The following MYL2 variants were observed in gnomAD, a reference collection of about 807,000 sequenced individuals.
MYL2 encodes myosin regulatory light chain 2, ventricular/cardiac muscle isoform.
Under a neutral mutation model 23.0 loss-of-function variants are expected in MYL2, and 19 were observed. The observed-to-expected ratio is 0.83, with a 90% CI of 0.58 to 1.21. MYL2 has a LOEUF of 1.21. Ranked by LOEUF, MYL2 falls within the 50% of genes most tolerant of loss-of-function variation. MYL2 has a pLI of 0.00. For synonymous variants in MYL2, 78 were observed against 76.2 expected (o/e 1.02, Z -0.13); for missense variants, 180 against 215.1 (o/e 0.84, Z 1.02).
chr12:110,920,898 GCT>G (rs1169607963), upstream of MYL2, among the ~76,000 whole-genome samples: 3 of 152,236 alleles, frequency 2.0e-5, no homozygotes, highest in Admixed American at 6.5e-5. Context: ...CTGCTAAAAT[GCT>G]CTGTTTTATC....
chr12:110,920,840 A>T (rs2071719830), upstream of MYL2: 1 of 523,616 alleles, frequency 1.9e-6, no homozygotes, highest in African/African-American at 1.9e-5. Flanking sequence ...TGGGCCGGGG[A>T]CACTTGTGCT....
intron 4 of MYL2, among the ~76,000 whole-genome samples, 159 bp downstream of exon 4, chr12:110,914,027 G>A (rs531874692): frequency 8.0e-4 from 122 of 152,214 alleles, no homozygotes; most frequent in Middle Eastern, 3.4e-3. Context: ...AAAGTGCTGG[G>A]GATTACAGGC....
At position 110,911,176 on chromosome 12, in the gene MYL2, C is replaced by A. The variant is rs199474813; in HGVS notation, c.403-1G>T. 1 of 1,606,260 alleles carries A rather than the reference C, an allele frequency of 6.2e-7. No individual in the cohort carries two copies. Among genetic ancestry groups the A allele is most frequent in the Non-Finnish European group, 8.5e-7 (1 of 1,176,292 alleles). On this transcript the variant is annotated splice_acceptor_variant, in intron 6 of 6. Coordinates refer to ENST00000228841, the MANE Select transcript of MYL2 (RefSeq NM_000432.4). LOFTEE classifies it high-confidence loss of function. Reference sequence around the variant, plus strand: ...GGAAGGCGGCGAACATCTGGTCAACCTGCAATGAGCCAGCAACACGTGCTA... The same window carrying A: ...GGAAGGCGGCGAACATCTGGTCAACATGCAATGAGCCAGCAACACGTGCTA...
At position 110,920,569 on chromosome 12, in the gene MYL2, A is replaced by G. The variant is rs1435017258; in HGVS notation, c.-40T>C. ...AGCACTGCCTCCCGAGAAGAATTCC[A>G]CACTCCGCCCAGCTCTCTGCAGCCC... On this transcript the variant is annotated 5_prime_UTR_variant, in exon 1 of 7. Transcript: ENST00000228841. 1.2e-6 allele frequency: 2 copies of G among 1,613,990 alleles called. No individual in the cohort carries two copies. Among genetic ancestry groups the G allele is most frequent in the Non-Finnish European group, 1.7e-6 (2 of 1,179,994 alleles).
chr12:110,914,443 T>C lies in MYL2; in HGVS notation c.170-153A>G, dbSNP rs76474479. 2,495 of 697,164 alleles carry C rather than the reference T, an allele frequency of 3.6e-3. 41 individuals are homozygous for C. The African/African-American group carries it at 0.039, about 11-fold the overall frequency. 43.2% of individuals were successfully genotyped at this position (697,164 alleles called of 1,614,324 possible). ...GAGGCAAAGATCTTTTCTGAGAAGA[T>C]GTTCTTGACAGTGTTATTTATAATA... On this transcript the variant is annotated intron_variant, in intron 3 of 6. Transcript: ENST00000228841.
At position 110,918,848 on chromosome 12, in the gene MYL2, T is replaced by A. The variant is rs2071702123; in HGVS notation, c.93+256A>T. On this transcript the variant is annotated intron_variant, in intron 2 of 6. Coordinates refer to ENST00000228841, the MANE Select transcript of MYL2 (RefSeq NM_000432.4). The surrounding 1 kb of genome is among the most constrained non-coding windows in gnomAD (Gnocchi z 4.4). ...GGGTAATAGAATTGTAGGTAGTTTT[T>A]ATTTCCTTTTCTGTGCTTTTCTGAA... is the stretch of plus-strand genomic sequence containing the variant. The A allele has an allele frequency of 2.0e-6, 1 of 500,602 alleles. No individual in the cohort carries two copies. The highest frequency in any genetic ancestry group is 1.9e-5 in the African/African-American group (1 of 51,936). The allele number at this position is 500,602 out of a possible 1,614,324, so 31.0% of individuals were successfully genotyped here.
rs2071699409 is a variant in MYL2 at position 110,918,341 on chromosome 12, A to C, written c.93+763T>G. Among the ~76,000 whole-genome samples the C allele has an allele frequency of 6.6e-6, 1 of 152,172 alleles. No individual in the cohort carries two copies. Among genetic ancestry groups the C allele is most frequent in the African/African-American group, 2.4e-5 (1 of 41,434 alleles). ...TAATAATCAAAGACTGTAAAATGTA[A>C]AACCCAGAAGATACTGCTTTTCACC... On this transcript the variant is annotated intron_variant, in intron 2 of 6. Transcript: ENST00000228841. This position sits in a 1 kb window ranked among gnomAD's most constrained non-coding sequence, Gnocchi z 4.4.
At chr12:110,921,124 C>T (rs1243708358), upstream of MYL2, among the ~76,000 whole-genome samples, 6 of 152,094 alleles carry the variant, frequency 3.9e-5, no homozygotes, top group South Asian at 2.1e-4. Flanking sequence ...GGCGGGAGGC[C>T]GAGGCGGGAA....
upstream of MYL2, among the ~76,000 whole-genome samples, chr12:110,921,324 G>T (rs571433167): frequency 2.3e-4 from 35 of 152,286 alleles, no homozygotes; most frequent in African/African-American, 7.9e-4. Context: ...TCACACCACT[G>T]CACTCCAGCC....
chr12:110,916,475 G>A (rs1490831862), intron 2 of MYL2, among the ~76,000 whole-genome samples: 2 of 152,206 alleles, frequency 1.3e-5, no homozygotes, highest in East Asian at 1.9e-4. Flanking sequence ...CCATACAATG[G>A]AATATTATTC....
At chr12:110,916,517 G>T (rs1372383698) in intron 2 of MYL2, among the ~76,000 whole-genome samples, 1 of 152,166 alleles carries the variant, frequency 6.6e-6, no homozygotes, top group Non-Finnish European at 1.5e-5. Flanking sequence ...TCCTACAAAG[G>T]TTACAACATG....
At position 110,914,248 on chromosome 12, in the gene MYL2, T is replaced by C; in HGVS notation, c.212A>G (p.Lys71Arg). 6.2e-7 allele frequency: 1 copy of C among 1,614,074 alleles called. No individual in the cohort carries two copies. The highest frequency in any genetic ancestry group is 8.5e-7 in the Non-Finnish European group (1 of 1,180,010). Reference sequence around the variant, plus strand: ...AAAGTTAATTGGACCCGGAGCCTCCTTGATCATTTCATCAATTTCTTCATT... The same window carrying C: ...AAAGTTAATTGGACCCGGAGCCTCCCTGATCATTTCATCAATTTCTTCATT... ...VKNEEIDEMIKEAPGPINFTV... is the reference protein window; with the variant it reads ...VKNEEIDEMIREAPGPINFTV... The change falls in exon 4 of 7, where the codon AAG becomes AGG. Residue 71 changes from lysine to arginine, a missense_variant. Coordinates refer to ENST00000228841, the MANE Select transcript of MYL2 (RefSeq NM_000432.4).
In MYL2 at chr12:110,918,378, C is replaced by CA. The variant is rs1046926848; in HGVS notation, c.93+725dup. On this transcript the variant is annotated intron_variant, in intron 2 of 6. Coordinates refer to ENST00000228841, the MANE Select transcript of MYL2 (RefSeq NM_000432.4). The surrounding 1 kb of genome is among the most constrained non-coding windows in gnomAD (Gnocchi z 4.4). ...TACTGCTTTTCACCTCTCAGACTGG[C>CA]AAAAAAAAATTGTGACTATTAATAC... is the stretch of plus-strand genomic sequence containing the variant. Among the ~76,000 whole-genome samples, 41 of 150,670 alleles carry CA rather than the reference C, an allele frequency of 2.7e-4. No individual in the cohort carries two copies. Among genetic ancestry groups the CA allele is most frequent in the Middle Eastern group, 3.4e-3 (1 of 294 alleles).
At chr12:110,917,248 A>G (rs559269741) in intron 2 of MYL2, among the ~76,000 whole-genome samples, 7 of 152,180 alleles carry the variant, frequency 4.6e-5, no homozygotes, top group Admixed American at 2.0e-4. Flanking sequence ...TAGATAGGGC[A>G]GGCTAGGGAG....
chr12:110,911,445 T>C (rs2071652669), intron 6 of MYL2, among the ~76,000 whole-genome samples: 2 of 152,312 alleles, frequency 1.3e-5, no homozygotes, highest in Admixed American at 6.5e-5. Context: ...ACTTGGTACC[T>C]CTCAGGAGAG....
intron 4 of MYL2, among the ~76,000 whole-genome samples, chr12:110,913,857 A>G (rs2071670825): frequency 6.6e-6 from 1 of 152,076 alleles, no homozygotes; most frequent in African/African-American, 2.4e-5. Flanking sequence ...GGTTCAAGGG[A>G]TTCTCCCGCC....
At chr12:110,917,028 T>C (rs2136775441) in intron 2 of MYL2, among the ~76,000 whole-genome samples, 1 of 152,012 alleles carries the variant, frequency 6.6e-6, no homozygotes, top group South Asian at 2.1e-4. Context: ...TTTTCTTTAG[T>C]AGAGTCAGGG....
At chr12:110,913,637 A>G (rs917057595) in intron 4 of MYL2, among the ~76,000 whole-genome samples, 1 of 152,238 alleles carries the variant, frequency 6.6e-6, no homozygotes, top group African/African-American at 2.4e-5. Flanking sequence ...TAAACTGGTG[A>G]TAAGAATAGA....
chr12:110,917,008 C>T (rs374357009), intron 2 of MYL2, among the ~76,000 whole-genome samples: 6 of 152,060 alleles, frequency 3.9e-5, no homozygotes, highest in African/African-American at 1.2e-4. Flanking sequence ...ATCACCAATG[C>T]CCAGCTTATT....
Sources: allele counts gnomAD v4.1 joint callset (sites outside exome capture counted in the v4.1 genomes callset), GRCh38; gene constraint gnomAD v4.1.1; non-coding constraint Gnocchi (gnomAD v3.1); transcripts MANE v1.5; gene names NCBI Gene and HGNC (gene_info 2026-07-23, HGNC 2026-07-21).